ADGRL3: variants seen among roughly 807,000 people sequenced by gnomAD.
The protein encoded by ADGRL3 is adhesion G protein-coupled receptor L3.
In ADGRL3, 62 loss-of-function variants were observed where a neutral mutation model predicts 153.5. The ratio of observed to expected loss-of-function variants is 0.40; its 90% CI spans 0.33 to 0.50. ADGRL3 has a LOEUF of 0.50. Among genes scored for constraint, ADGRL3 ranks in the 20% least tolerant of loss-of-function variants. The pLI is 0.47. For missense variants in ADGRL3, 1,641 were observed against 1,859.4 expected (o/e 0.88, Z 2.16); for synonymous variants, 710 against 672.5 (o/e 1.06, Z -0.86).
intron 9 of ADGRL3, among the ~76,000 whole-genome samples, chr4:61,819,286 T>C (rs1312529961): frequency 1.3e-5 from 2 of 152,156 alleles, no homozygotes; most frequent in Non-Finnish European, 2.9e-5. Context: ...CTTTAAATAA[T>C]TGAAATTCTA....
At chr4:62,038,134 C>T (rs966465722) in intron 24 of ADGRL3, among the ~76,000 whole-genome samples, 6 of 152,086 alleles carry the variant, frequency 3.9e-5, no homozygotes, top group African/African-American at 1.4e-4. Context: ...TTTGCCGTTT[C>T]ACCCAAAATT....
At chr4:61,217,710 T>G (rs1743485717) in intron 1 of ADGRL3, among the ~76,000 whole-genome samples, 1 of 152,214 alleles carries the variant, frequency 6.6e-6, no homozygotes, top group Non-Finnish European at 1.5e-5. Context: ...AGAGTTTAGC[T>G]TTGGAGATAT....
intron 9 of ADGRL3, among the ~76,000 whole-genome samples, chr4:61,856,103 C>T (rs1403294667): frequency 1.3e-5 from 2 of 152,090 alleles, no homozygotes; most frequent in African/African-American, 4.8e-5. Flanking sequence ...GACAGTGGCT[C>T]ACACCTGTAA....
At chr4:61,563,531 G>T (rs550054357) in intron 4 of ADGRL3, among the ~76,000 whole-genome samples, 1 of 152,264 alleles carries the variant, frequency 6.6e-6, no homozygotes, top group South Asian at 2.1e-4. Flanking sequence ...TCTCAGCTAG[G>T]AAAGTCCTAG....
At chr4:61,443,475 T>C (rs1322792389) in intron 2 of ADGRL3, among the ~76,000 whole-genome samples, 1 of 152,176 alleles carries the variant, frequency 6.6e-6, no homozygotes, top group African/African-American at 2.4e-5. Flanking sequence ...AAGTTATTTA[T>C]GGTTTTTATC....
intron 2 of ADGRL3, among the ~76,000 whole-genome samples, chr4:61,447,929 A>G (rs1270724219): frequency 6.6e-6 from 1 of 152,186 alleles, no homozygotes; most frequent in Non-Finnish European, 1.5e-5. Flanking sequence ...AAACAACAAC[A>G]AAAACAACAA....
intron 21 of ADGRL3, among the ~76,000 whole-genome samples, chr4:62,011,819 A>G (rs2099187886): frequency 6.6e-6 from 1 of 152,122 alleles, no homozygotes. Flanking sequence ...CTTAATCAGA[A>G]AATACAATTT....
chr4:61,363,155 A>C (rs933582205), intron 1 of ADGRL3, among the ~76,000 whole-genome samples: 1 of 152,140 alleles, frequency 6.6e-6, no homozygotes, highest in Admixed American at 6.6e-5. Flanking sequence ...TTCTCTATTT[A>C]AGCAATATCT....
chr4:61,936,192 C>G lies in ADGRL3; in HGVS notation c.2419+147C>G, dbSNP rs1168461118. Reference sequence around the variant, plus strand: ...TTCTCTTTCTCCTCCTCTTCCTCCTCTTTCTACTGTACAGCACCATCAATA... The same window carrying G: ...TTCTCTTTCTCCTCCTCTTCCTCCTGTTTCTACTGTACAGCACCATCAATA... On this transcript the variant is annotated intron_variant, in intron 15 of 26. Coordinates refer to ENST00000683033, the MANE Select transcript of ADGRL3 (RefSeq NM_001387552.1). 10 of 843,944 alleles carry G rather than the reference C, an allele frequency of 1.2e-5. No individual in the cohort carries two copies. In the East Asian group the frequency reaches 2.7e-4, roughly 22 times the overall value. The allele number at this position is 843,944 out of a possible 1,614,324, so 52.3% of individuals were successfully genotyped here. A position where few individuals can be genotyped will look rare whatever the true frequency, so the allele number is the denominator to read the frequency against.
intron 24 of ADGRL3, among the ~76,000 whole-genome samples, chr4:62,038,706 A>G (rs1211020764): frequency 3.9e-5 from 6 of 152,070 alleles, no homozygotes; most frequent in Non-Finnish European, 8.8e-5. Flanking sequence ...GGTTCGAGCA[A>G]TCTTCCCACG....
At chr4:61,292,734 G>A (rs2094267181) in intron 1 of ADGRL3, among the ~76,000 whole-genome samples, 1 of 152,092 alleles carries the variant, frequency 6.6e-6, no homozygotes, top group Admixed American at 6.6e-5. Context: ...TGGGAAGCTG[G>A]AAGGCAGGAA....
At chr4:61,401,062 A>G (rs568364469) in intron 2 of ADGRL3, among the ~76,000 whole-genome samples, 2 of 150,714 alleles carry the variant, frequency 1.3e-5, no homozygotes, top group African/African-American at 2.4e-5. Context: ...TGGAAGGAAG[A>G]TTCTTTTTTT....
chr4:61,892,519 GA>G, intron 9 of ADGRL3, 136 bp from the exon 10 acceptor site: 1 of 639,354 alleles, frequency 1.6e-6, no homozygotes, highest in Non-Finnish European at 2.7e-6. Flanking sequence ...TGTTTAAAAT[GA>G]AAATCAGGTT....
chr4:61,513,674 C>T (rs916858875), intron 3 of ADGRL3, among the ~76,000 whole-genome samples: 1 of 152,034 alleles, frequency 6.6e-6, no homozygotes, highest in African/African-American at 2.4e-5. Flanking sequence ...ACTCATATTA[C>T]TTACAAGGAG....
chr4:61,587,955 A>G (rs188377440), intron 5 of ADGRL3, among the ~76,000 whole-genome samples: 96 of 152,146 alleles, frequency 6.3e-4, no homozygotes, highest in African/African-American at 2.1e-3. Context: ...AGCATATGAA[A>G]TTAATTTAAA....
intron 17 of ADGRL3, among the ~76,000 whole-genome samples, chr4:61,948,764 C>A (rs1434052449): frequency 6.6e-6 from 1 of 152,062 alleles, no homozygotes; most frequent in East Asian, 1.9e-4. Context: ...TGGGTTCTGC[C>A]CATGCAAGAA....
At chr4:61,977,029 T>G (rs2099050516) in intron 17 of ADGRL3, among the ~76,000 whole-genome samples, 1 of 152,190 alleles carries the variant, frequency 6.6e-6, no homozygotes, top group Non-Finnish European at 1.5e-5. Flanking sequence ...TAGGATTTTT[T>G]GTTCTATGTT....
chr4:61,410,671 T>A (rs1420811405), intron 2 of ADGRL3, among the ~76,000 whole-genome samples: 1 of 152,152 alleles, frequency 6.6e-6, no homozygotes, highest in Non-Finnish European at 1.5e-5. Context: ...TGATTCCAAC[T>A]TCTGTGCCTG....
intron 5 of ADGRL3, among the ~76,000 whole-genome samples, chr4:61,634,309 G>A (rs1440719366): frequency 6.6e-6 from 1 of 152,116 alleles, no homozygotes; most frequent in Admixed American, 6.6e-5. Context: ...AGTAAAAACA[G>A]TGTACTACTT....
Sources: gnomAD v4.1 joint callset for allele counts (sites outside exome capture counted in the v4.1 genomes callset) on GRCh38, gnomAD v4.1.1 for gene constraint, MANE v1.5 for transcripts, NCBI Gene and HGNC (gene_info 2026-07-23, HGNC 2026-07-21) for gene names.